The following NKAIN2 variants were observed in gnomAD, a reference collection of about 807,000 sequenced individuals.
NKAIN2 encodes the protein sodium/potassium transporting ATPase interacting 2.
Under a neutral mutation model 32.6 loss-of-function variants are expected in NKAIN2, and 14 were observed. The observed-to-expected ratio is 0.43, with a 90% confidence interval of 0.28 to 0.67. The LOEUF is 0.67. NKAIN2 is among the 30% of genes least tolerant of loss of function. NKAIN2 has a pLI of 0.17. For synonymous variants in NKAIN2, 80 were observed against 87.2 expected, an observed-to-expected ratio of 0.92 and a Z score of 0.46; for missense variants, 198 against 258.3, an observed-to-expected ratio of 0.77 and a Z score of 1.60.
intron 1 of NKAIN2, among the ~76,000 whole-genome samples, chr6:123,897,730 G>C (rs1230690451): frequency 6.6e-6 from 1 of 151,980 alleles, no homozygotes; most frequent in Non-Finnish European, 1.5e-5. Flanking sequence ...CATAGAGAGG[G>C]TGCTCATAAA....
At chr6:124,479,035 A>G (rs1298051018) in intron 3 of NKAIN2, among the ~76,000 whole-genome samples, 1 of 152,146 alleles carries the variant, frequency 6.6e-6, no homozygotes, top group African/African-American at 2.4e-5. Context: ...TAGTCTGAGC[A>G]TGAGGAAAAC....
intron 1 of NKAIN2, among the ~76,000 whole-genome samples, chr6:124,273,091 T>A (rs1314037299): frequency 6.6e-6 from 1 of 152,216 alleles, no homozygotes; most frequent in South Asian, 2.1e-4. Flanking sequence ...AATGCTGGAA[T>A]GAGTTAAGAC....
At chr6:124,105,764 C>T (rs1009478341) in intron 1 of NKAIN2, among the ~76,000 whole-genome samples, 4 of 152,114 alleles carry the variant, frequency 2.6e-5, no homozygotes, top group Non-Finnish European at 2.9e-5. Flanking sequence ...ATTATTCTGA[C>T]ATTTTTTAAG....
intron 3 of NKAIN2, among the ~76,000 whole-genome samples, chr6:124,363,536 TG>T (rs1388554659): frequency 6.6e-6 from 1 of 152,188 alleles, no homozygotes; most frequent in Non-Finnish European, 1.5e-5. Context: ...AAAATATAAA[TG>T]GAAAAACTCT....
chr6:123,955,112 G>A (rs1216565843), intron 1 of NKAIN2, among the ~76,000 whole-genome samples: 1 of 148,710 alleles, frequency 6.7e-6, no homozygotes, highest in South Asian at 2.1e-4. Context: ...GAAACTTTAA[G>A]CAAATATTCA....
chr6:124,365,104 A>G (rs2114297071), intron 3 of NKAIN2, among the ~76,000 whole-genome samples: 1 of 152,078 alleles, frequency 6.6e-6, no homozygotes, highest in Non-Finnish European at 1.5e-5. Context: ...AGCCTAAGCA[A>G]TGCTAAGAAG....
intron 2 of NKAIN2, among the ~76,000 whole-genome samples, chr6:124,331,240 G>A (rs549059543): frequency 1.4e-3 from 211 of 148,280 alleles, no homozygotes; most frequent in Non-Finnish European, 2.3e-3. Flanking sequence ...AGTGGCTCAC[G>A]CCTATAATCC....
At chr6:124,520,894 T>C (rs1779093978) in intron 3 of NKAIN2, among the ~76,000 whole-genome samples, 7 of 152,230 alleles carry the variant, frequency 4.6e-5, no homozygotes, top group Admixed American at 4.6e-4. Context: ...AAAGGGTTTT[T>C]TAAATCCAGA....
chr6:124,178,716 G>C (rs1789289367), intron 1 of NKAIN2, among the ~76,000 whole-genome samples: 1 of 152,154 alleles, frequency 6.6e-6, no homozygotes, highest in Non-Finnish European at 1.5e-5. Context: ...TTTTCTCAAG[G>C]TGACAGAGCT....
intron 4 of NKAIN2, among the ~76,000 whole-genome samples, chr6:124,706,218 C>A (rs908408250): frequency 6.6e-6 from 1 of 152,070 alleles, no homozygotes; most frequent in African/African-American, 2.4e-5. Context: ...GTCTAAACAT[C>A]TTATGAGTCT....
chr6:124,729,351 T>C (rs368740738), intron 4 of NKAIN2, among the ~76,000 whole-genome samples: 9 of 150,764 alleles, frequency 6.0e-5, no homozygotes, highest in Non-Finnish European at 1.3e-4. Flanking sequence ...ATCAAAAAGC[T>C]TATCCACCAT....
At chr6:124,683,431 G>T (rs765669883) in intron 4 of NKAIN2, among the ~76,000 whole-genome samples, 4 of 152,092 alleles carry the variant, frequency 2.6e-5, no homozygotes, top group Non-Finnish European at 4.4e-5. Context: ...CTGCCCACAT[G>T]TCAAAATCTC....
intron 1 of NKAIN2, among the ~76,000 whole-genome samples, chr6:124,036,545 TCTAAATATAAC>T (rs1781611412): frequency 6.6e-6 from 1 of 152,106 alleles, no homozygotes; most frequent in African/African-American, 2.4e-5. Flanking sequence ...CCTCTTTCAC[TCTAAATATAAC>T]GGATACTTAT....
intron 4 of NKAIN2, among the ~76,000 whole-genome samples, chr6:124,685,975 G>A (rs1047761506): frequency 2.0e-5 from 3 of 152,118 alleles, no homozygotes; most frequent in South Asian, 4.1e-4. Flanking sequence ...CAAAGTTTTG[G>A]CCAGGGCTGT....
chr6:124,514,370 A>G (rs1159504928), intron 3 of NKAIN2, among the ~76,000 whole-genome samples: 1 of 152,152 alleles, frequency 6.6e-6, no homozygotes, highest in Non-Finnish European at 1.5e-5. Context: ...AAGCCTGATG[A>G]GATCTATCCC....
intron 1 of NKAIN2, among the ~76,000 whole-genome samples, chr6:124,144,578 TA>T (rs926335470): frequency 1.3e-5 from 2 of 151,620 alleles, no homozygotes; most frequent in African/African-American, 4.8e-5. Context: ...CATCCACAAT[TA>T]AAAAAAATAA....
chr6:124,074,255 C>T (rs1301345346), intron 1 of NKAIN2, among the ~76,000 whole-genome samples: 1 of 152,180 alleles, frequency 6.6e-6, no homozygotes, highest in Non-Finnish European at 1.5e-5. Context: ...CCGACACCTT[C>T]TGCCTGGCAT....
In NKAIN2 at chr6:124,527,628, C is replaced by A. The variant is rs2114812582; in HGVS notation, c.274-130558C>A. 1.3e-5 allele frequency among the ~76,000 whole-genome samples: 2 copies of A among 152,210 alleles called. 1 individual carries two copies. The highest frequency in any genetic ancestry group is 6.8e-3 in the Middle Eastern group (2 of 294). ...ATGGTTGAGCACCTACAATAACTCACATAATATAGAGTCATGTGCTTATAT... is the reference window on the plus strand; with the variant it reads ...ATGGTTGAGCACCTACAATAACTCAAATAATATAGAGTCATGTGCTTATAT... On this transcript the variant is annotated intron_variant, in intron 3 of 6. Coordinates refer to ENST00000368417, the MANE Select transcript of NKAIN2 (RefSeq NM_001040214.3).
At chr6:124,135,275 T>G (rs1035618405) in intron 1 of NKAIN2, among the ~76,000 whole-genome samples, 4 of 151,374 alleles carry the variant, frequency 2.6e-5, no homozygotes, top group African/African-American at 9.7e-5. Context: ...ACCTCAAATC[T>G]CAATACTAAT....
Sources: allele counts gnomAD v4.1 joint callset (sites outside exome capture counted in the v4.1 genomes callset), GRCh38; gene constraint gnomAD v4.1.1; transcripts MANE v1.5; gene names NCBI Gene and HGNC (gene_info 2026-07-23, HGNC 2026-07-21).